The following BCAM variants were observed in gnomAD, a reference collection of about 807,000 sequenced individuals.
The protein encoded by BCAM is basal cell adhesion molecule (Lutheran blood group).
BCAM carries 61 observed loss-of-function variants against 72.4 expected under a neutral mutation model. The observed-to-expected ratio is 0.84, with a 90% CI of 0.69 to 1.04. BCAM has a LOEUF of 1.04. Ranked by LOEUF, BCAM falls within the 50% of genes least tolerant of loss-of-function variation. The pLI, the probability that BCAM is intolerant of heterozygous loss-of-function variation, is 0.00. For synonymous variants in BCAM, 408 were observed against 384.2 expected (o/e 1.06, Z -0.73); for missense variants, 909 against 895.0 (o/e 1.02, Z -0.20).
Position 44,819,110 on chromosome 19 carries a change from G to A in BCAM, c.1391G>A (p.Arg464Lys). ...EIEPKADGSWREGDEVTLICS... is the reference protein window; with the variant it reads ...EIEPKADGSWKEGDEVTLICS... Reference sequence around the variant, plus strand: ...GAGCCCAAGGCAGATGGCAGCTGGAGGGAAGGAGACGAAGTCACACTCATC... The same window carrying A: ...GAGCCCAAGGCAGATGGCAGCTGGAAGGAAGGAGACGAAGTCACACTCATC... The change falls in exon 11 of 15, where the codon AGG becomes AAG. Residue 464 changes from arginine (R) to lysine (K), a missense_variant. By Grantham distance (26) the Arg-to-Lys change is conservative (BLOSUM62 2). Transcript: ENST00000270233. 6.2e-7 allele frequency: 1 copy of A among 1,614,090 alleles called. No individual in the cohort carries two copies. The highest frequency in any genetic ancestry group is 8.5e-7 in the Non-Finnish European group (1 of 1,179,994).
At position 44,814,781 on chromosome 19, in the gene BCAM, G is replaced by A. The variant is rs1169530291; in HGVS notation, c.1078+21G>A. ...GGCCTGTGAGAGCCCTGGGTGAACG[G>A]GCGGGCAGGAGGGGCCCTGGCATCA... is the stretch of plus-strand genomic sequence containing the variant. On this transcript the variant is annotated intron_variant, in intron 8 of 14. Transcript: ENST00000270233. The surrounding 1 kb of genome is among the most constrained non-coding windows in gnomAD (Gnocchi z 4.6). 6.3e-7 allele frequency: 1 copy of A among 1,595,972 alleles called. No individual in the cohort carries two copies. Among genetic ancestry groups the A allele is most frequent in the East Asian group, 2.2e-5 (1 of 44,594 alleles).
Position 44,814,624 on chromosome 19 carries a change from G to A in BCAM, c.942G>A (p.Leu314=), listed in dbSNP as rs2122557442. Residue 314 remains leucine, a synonymous_variant, in exon 8 of 15, where the codon CTG becomes CTA. Coordinates refer to ENST00000270233, the MANE Select transcript of BCAM (RefSeq NM_005581.5). The surrounding 1 kb of genome is among the most constrained non-coding windows in gnomAD (Gnocchi z 4.6). ...CCCAGGATGAGCAGGAGGAAGTGCT[G>A]AATGTGAATCTCGAGGGGAACTTGA... ...FRLQDEQEEV[L]NVNLEGNLTL... The A allele has an allele frequency of 6.2e-7, 1 of 1,613,880 alleles. No individual in the cohort carries two copies. The highest frequency in any genetic ancestry group is 2.2e-5 in the East Asian group (1 of 44,866).
In BCAM at chr19:44,813,264, C is replaced by T. The variant is rs536389505; in HGVS notation, c.519C>T (p.Asn173=). 1.9e-6 allele frequency: 3 copies of T among 1,614,128 alleles called. No homozygotes were observed. The South Asian group carries it at 3.3e-5, about 18-fold the overall frequency. ...GTCTGCCTCAGATCGCCACCTGCAA[C>T]AGCCGGAACGGGAACCCGGCCCCCA... ...EDSAQEIATC[N]SRNGNPAPKI... Residue 173 remains asparagine (N), a synonymous_variant, in exon 5 of 15, where the codon AAC becomes AAT. Coordinates refer to ENST00000270233, the MANE Select transcript of BCAM (RefSeq NM_005581.5). This position sits in a 1 kb window ranked among gnomAD's most constrained non-coding sequence, Gnocchi z 4.2.
rs758203805 is a variant in BCAM at position 44,813,516 on chromosome 19, G to A, written c.680G>A (p.Arg227His). Residue 227 changes from arginine (R) to histidine (H), a missense_variant, in exon 6 of 15, where the codon CGC (arginine) becomes CAC (histidine). Coordinates refer to ENST00000270233, the MANE Select transcript of BCAM (RefSeq NM_005581.5). This position sits in a 1 kb window ranked among gnomAD's most constrained non-coding sequence, Gnocchi z 4.2. ...ACCAGCACCCTCTACCTGCGGCTCC[G>A]CAAGGATGACCGAGACGCCAGCTTC... ...SLTSTLYLRLRKDDRDASFHC... is the reference protein window; with the variant it reads ...SLTSTLYLRLHKDDRDASFHC... The A allele has an allele frequency of 3.2e-5, 51 of 1,612,476 alleles. No homozygotes were observed. The highest frequency in any genetic ancestry group is 1.1e-4 in the East Asian group (5 of 44,878).
rs943160917 is a variant in BCAM at position 44,813,149 on chromosome 19, G to A, written c.505-101G>A. On this transcript the variant is annotated intron_variant, in intron 4 of 14. Coordinates refer to ENST00000270233, the MANE Select transcript of BCAM (RefSeq NM_005581.5). This position sits in a 1 kb window ranked among gnomAD's most constrained non-coding sequence, Gnocchi z 4.2. ...GGGTCCTGGGAGAGTCGGGAGTTAG[G>A]AGCCCGGCTCATGAGTCTGAGTGGG... The A allele has an allele frequency of 6.0e-6, 8 of 1,344,154 alleles. No individual in the cohort carries two copies. The highest frequency in any genetic ancestry group is 8.3e-6 in the Non-Finnish European group (8 of 968,110). 83.3% of individuals were successfully genotyped at this position (1,344,154 alleles called of 1,614,324 possible). A position where few individuals can be genotyped will look rare whatever the true frequency, so the allele number is the denominator to read the frequency against.
chr19:44,815,799 G>A (rs981069729), intron 8 of BCAM, among the ~76,000 whole-genome samples: 10 of 151,950 alleles, frequency 6.6e-5, no homozygotes, highest in Non-Finnish European at 8.8e-5. Flanking sequence ...GAGCCTAGGA[G>A]TTTGAGGCCA....
chr19:44,813,614 C>G lies in BCAM; in HGVS notation c.778C>G (p.Leu260Val). The change falls in exon 6 of 15, where the codon CTG becomes GTG. Residue 260 changes from leucine (L) to valine (V), a missense_variant. Coordinates refer to ENST00000270233, the MANE Select transcript of BCAM (RefSeq NM_005581.5). The surrounding 1 kb of genome is among the most constrained non-coding windows in gnomAD (Gnocchi z 4.2). ...RLDSPTFHLT[L>V]HYPTEHVQFW... The stretch of plus-strand genomic sequence containing the variant: ...GGACAGCCCCACCTTCCACCTCACC[C>G]TGCACTGTGAGTCTGTGCTGGCCTT... The G allele has an allele frequency of 6.2e-7, 1 of 1,612,012 alleles. No individual in the cohort carries two copies. Among genetic ancestry groups the G allele is most frequent in the Non-Finnish European group, 8.5e-7 (1 of 1,179,654 alleles).
At position 44,818,461 on chromosome 19, in the gene BCAM, G is replaced by T; in HGVS notation, c.1079-61G>T. 1 of 1,427,146 alleles carries T rather than the reference G, an allele frequency of 7.0e-7. No homozygotes were observed. The highest frequency in any genetic ancestry group is 1.2e-5 in the South Asian group (1 of 84,516). The allele number at this position is 1,427,146 out of a possible 1,614,324, so 88.4% of individuals were successfully genotyped here. A position where few individuals can be genotyped will look rare whatever the true frequency, so the allele number is the denominator to read the frequency against. ...ATGTTTGCACCCCCGACCGCCCCTG[G>T]AGAGCCCCTAATTGAGTGGGTGGCG... On this transcript the variant is annotated intron_variant, in intron 8 of 14. Coordinates refer to ENST00000270233, the MANE Select transcript of BCAM (RefSeq NM_005581.5). This position sits in a 1 kb window ranked among gnomAD's most constrained non-coding sequence, Gnocchi z 4.6.
At position 44,809,174 on chromosome 19, in the gene BCAM, T is replaced by C. The variant is rs1425112197; in HGVS notation, c.50T>C (p.Leu17Pro). ...CAGGCGCGCGGGGCCCCGCGGCTGCTGTTGCTCGCAGTCCTGCTGGCGGCG... is the reference window on the plus strand; with the variant it reads ...CAGGCGCGCGGGGCCCCGCGGCTGCCGTTGCTCGCAGTCCTGCTGGCGGCG... ...PAQARGAPRL[L>P]LLAVLLAAHP... Residue 17 changes from leucine to proline, a missense_variant, in exon 1 of 15, where the codon CTG becomes CCG. Coordinates refer to ENST00000270233, the MANE Select transcript of BCAM (RefSeq NM_005581.5). 2.0e-6 allele frequency: 3 copies of C among 1,473,286 alleles called. No homozygotes were observed. In the African/African-American group the frequency reaches 4.4e-5, roughly 22 times the overall value. 91.3% of individuals were successfully genotyped at this position (1,473,286 alleles called of 1,614,324 possible).
rs946331764 is a variant in BCAM, at chr19:44,819,358, A to T, written c.1486A>T (p.Ile496Phe). The change falls in exon 12 of 15, where the codon ATC (isoleucine) becomes TTC (phenylalanine). Residue 496 changes from isoleucine (I) to phenylalanine (F), a missense_variant. By Grantham distance (21) the Ile-to-Phe change is conservative (BLOSUM62 0). Coordinates refer to ENST00000270233, the MANE Select transcript of BCAM (RefSeq NM_005581.5). ...SQLGGSPAEP[I>F]PGRQGWVSSS... Reference sequence around the variant, plus strand: ...GGAGCCTCCATAGCCCGCAGAGCCAATCCCCGGACGGCAGGGTTGGGTGAG... The same window carrying T: ...GGAGCCTCCATAGCCCGCAGAGCCATTCCCCGGACGGCAGGGTTGGGTGAG... The T allele has an allele frequency of 1.2e-6, 2 of 1,614,040 alleles. No homozygotes were observed. Among genetic ancestry groups the T allele is most frequent in the African/African-American group, 2.7e-5 (2 of 75,024 alleles).
rs777165923 is a variant in BCAM, at chr19:44,814,787, C to A, written c.1078+27C>A. On this transcript the variant is annotated intron_variant, in intron 8 of 14. Coordinates refer to ENST00000270233, the MANE Select transcript of BCAM (RefSeq NM_005581.5). The surrounding 1 kb of genome is among the most constrained non-coding windows in gnomAD (Gnocchi z 4.6). ...TGAGAGCCCTGGGTGAACGGGCGGG[C>A]AGGAGGGGCCCTGGCATCAGTGCCT... 6.3e-6 allele frequency: 10 copies of A among 1,589,642 alleles called. No homozygotes were observed. Among genetic ancestry groups the A allele is most frequent in the Non-Finnish European group, 8.6e-6 (10 of 1,167,704 alleles).
rs532533324 is a variant in BCAM, at chr19:44,814,992, C to G, written c.1078+232C>G. Among the ~76,000 whole-genome samples, 56 of 151,544 alleles carry G rather than the reference C, an allele frequency of 3.7e-4. No individual in the cohort carries two copies. Among genetic ancestry groups the G allele is most frequent in the African/African-American group, 1.3e-3 (55 of 41,290 alleles). On this transcript the variant is annotated intron_variant, in intron 8 of 14. Coordinates refer to ENST00000270233, the MANE Select transcript of BCAM (RefSeq NM_005581.5). This position sits in a 1 kb window ranked among gnomAD's most constrained non-coding sequence, Gnocchi z 4.6. ...CGAACTCCTCATGCGATCCTCCTGC[C>G]TTGCTCTCCCAAAGTGCTGGGATTA...
At position 44,818,682 on chromosome 19, in the gene BCAM, C is replaced by G. The variant is rs1306995036; in HGVS notation, c.1194+45C>G. The G allele has an allele frequency of 6.2e-7, 1 of 1,611,840 alleles. No individual in the cohort carries two copies. On this transcript the variant is annotated intron_variant, in intron 9 of 14. Transcript: ENST00000270233. This position sits in a 1 kb window ranked among gnomAD's most constrained non-coding sequence, Gnocchi z 4.6. ...CCTCGGGCCCTGCACTCGCACCCTC[C>G]TCTCTCCCCTCACTCCTCGCCCTCT...
Position 44,814,263 on chromosome 19 carries a change from C to G in BCAM, c.896C>G (p.Pro299Arg), listed in dbSNP as rs778105866. The part of the protein sequence containing the change: ...LLCRGDGSPS[P>R]EYTLFRLQDE... ...TGCCGGGGGGACGGCAGCCCCAGCCCGGAGTATACGCTTTTCCGCCTTCAG... is the reference window on the plus strand; with the variant it reads ...TGCCGGGGGGACGGCAGCCCCAGCCGGGAGTATACGCTTTTCCGCCTTCAG... The change falls in exon 7 of 15, where the codon CCG becomes CGG. Residue 299 changes from proline to arginine, a missense_variant. By Grantham distance (103) the Pro-to-Arg change is moderately radical (BLOSUM62 -2). Transcript: ENST00000270233. This position sits in a 1 kb window ranked among gnomAD's most constrained non-coding sequence, Gnocchi z 4.6. The G allele has an allele frequency of 2.5e-6, 4 of 1,595,648 alleles. No individual in the cohort carries two copies. The highest frequency in any genetic ancestry group is 1.8e-5 in the Admixed American group (1 of 55,458).
rs748544427 is a variant in BCAM, at chr19:44,818,654, C to G, written c.1194+17C>G. On this transcript the variant is annotated intron_variant, in intron 9 of 14. Coordinates refer to ENST00000270233, the MANE Select transcript of BCAM (RefSeq NM_005581.5). This position sits in a 1 kb window ranked among gnomAD's most constrained non-coding sequence, Gnocchi z 4.6. Reference sequence around the variant, plus strand: ...TGGACCAAGGTGAGAGGGAGAGGAGCCCCCTCGGGCCCTGCACTCGCACCC... The same window carrying G: ...TGGACCAAGGTGAGAGGGAGAGGAGGCCCCTCGGGCCCTGCACTCGCACCC... 2 of 1,612,024 alleles carry G rather than the reference C, an allele frequency of 1.2e-6. No individual in the cohort carries two copies. The highest frequency in any genetic ancestry group is 1.7e-6 in the Non-Finnish European group (2 of 1,178,402).
In BCAM at chr19:44,814,618, A is replaced by C; in HGVS notation, c.936A>C (p.Glu312Asp). The C allele has an allele frequency of 1.9e-6, 3 of 1,613,652 alleles. No individual in the cohort carries two copies. The highest frequency in any genetic ancestry group is 2.5e-6 in the Non-Finnish European group (3 of 1,179,714). Reference sequence around the variant, plus strand: ...CCGTCTCCCAGGATGAGCAGGAGGAAGTGCTGAATGTGAATCTCGAGGGGA... The same window carrying C: ...CCGTCTCCCAGGATGAGCAGGAGGACGTGCTGAATGTGAATCTCGAGGGGA... The part of the protein sequence containing the change: ...TLFRLQDEQE[E>D]VLNVNLEGNL... Residue 312 changes from glutamate to aspartate, a missense_variant, in exon 8 of 15, where the codon GAA becomes GAC. Physicochemically the swap from Glu to Asp is conservative, Grantham distance 45. Transcript: ENST00000270233. The surrounding 1 kb of genome is among the most constrained non-coding windows in gnomAD (Gnocchi z 4.6).
In BCAM at chr19:44,811,126, G is replaced by A. The variant is rs185795793; in HGVS notation, c.83-99G>A. On this transcript the variant is annotated intron_variant, in intron 1 of 14. Coordinates refer to ENST00000270233, the MANE Select transcript of BCAM (RefSeq NM_005581.5). The stretch of plus-strand genomic sequence containing the variant: ...GACTCCTGGGTCTGAGGGAGGAGGG[G>A]CTGGGACCTGGACGCTTGTGTCCTG... 9 of 1,571,248 alleles carry A rather than the reference G, an allele frequency of 5.7e-6. No individual in the cohort carries two copies. In the Admixed American group the frequency reaches 1.5e-4, roughly 27 times the overall value.
Position 44,821,113 on chromosome 19 carries a change from AGGGT to A in BCAM, c.*204_*207del, listed in dbSNP as rs943763323. On this transcript the variant is annotated 3_prime_UTR_variant, in exon 15 of 15. Transcript: ENST00000270233. Reference sequence around the variant, plus strand: ...CTGCCTCCGGGAGGGAAGGAGAGGGAGGGTGGGTGGGTGGGAGGGGGCCTTCCTC... The same window carrying A: ...CTGCCTCCGGGAGGGAAGGAGAGGGAGGGTGGGTGGGAGGGGGCCTTCCTC... The A allele has an allele frequency of 5.6e-4, 98 of 174,688 alleles. 2 individuals are homozygous for A. Among genetic ancestry groups the A allele is most frequent in the Admixed American group, 7.6e-4 (10 of 13,214 alleles). The allele number at this position is 174,688 out of a possible 1,614,324, so 10.8% of individuals were successfully genotyped here.
Position 44,812,290 on chromosome 19 carries a change from TGCTG to T in BCAM, c.337_340del (p.Ala113ArgfsTer14). The T allele has an allele frequency of 6.2e-7, 1 of 1,611,704 alleles. No homozygotes were observed. Among genetic ancestry groups the T allele is most frequent in the Non-Finnish European group, 8.5e-7 (1 of 1,178,542 alleles). On this transcript the variant is annotated frameshift_variant, in exon 3 of 15. Coordinates refer to ENST00000270233, the MANE Select transcript of BCAM (RefSeq NM_005581.5). LOFTEE classifies it high-confidence loss of function. The surrounding 1 kb of genome is among the most constrained non-coding windows in gnomAD (Gnocchi z 5.3). The stretch of plus-strand genomic sequence containing the variant: ...CAGCTGGACTCCCAGGGGCGCCTGG[TGCTG>T]GCTGAGGCCCAGGTGGGCGACGAGC...
Sources: gnomAD v4.1 joint callset for allele counts (sites outside exome capture counted in the v4.1 genomes callset) on GRCh38, gnomAD v4.1.1 for gene constraint, Gnocchi (gnomAD v3.1) non-coding constraint, MANE v1.5 for transcripts, NCBI Gene and HGNC (gene_info 2026-07-23, HGNC 2026-07-21) for gene names.